GNA11: variants seen among roughly 807,000 people sequenced by gnomAD.
The protein encoded by GNA11 is guanine nucleotide-binding protein subunit alpha-11.
A neutral mutation model predicts 38.2 loss-of-function variants in GNA11; 8 were observed. The observed-to-expected ratio is 0.21, with a 90% CI of 0.12 to 0.38. The LOEUF (loss-of-function observed/expected upper bound fraction) is 0.38. GNA11 is among the 10% of genes least tolerant of loss of function. The pLI is 1.00. For missense variants in GNA11, 268 were observed against 516.3 expected (o/e 0.52, Z 4.66); for synonymous variants, 211 against 221.4 (o/e 0.95, Z 0.42).
At chr19:3,114,893 C>T (rs1913869523) in intron 3 of GNA11, 51 bp from the exon 4 acceptor site, 1 of 1,554,428 alleles carries the variant, frequency 6.4e-7, no homozygotes, top group East Asian at 2.3e-5. Context: ...TGTCCCTGTC[C>T]TGCCCCCCCA....
At chr19:3,111,736 C>T (rs146502266) in intron 2 of GNA11, among the ~76,000 whole-genome samples, 31 of 152,362 alleles carry the variant, frequency 2.0e-4, no homozygotes, top group South Asian at 1.4e-3. Context: ...CTCTGAGAAG[C>T]GTCCAGAGAG....
chr19:3,122,944 A>ACCC lies in GNA11; in HGVS notation c.*1773_*1775dup, dbSNP rs56197875. 33 of 224,304 alleles carry ACCC rather than the reference A, an allele frequency of 1.5e-4. No homozygotes were observed. The highest frequency in any genetic ancestry group is 1.1e-3 in the Admixed American group (20 of 17,454). The allele number at this position is 224,304 out of a possible 1,614,324, so 13.9% of individuals were successfully genotyped here. A position where few individuals can be genotyped will look rare whatever the true frequency, so the allele number is the denominator to read the frequency against. ...CATGGGGAGACGGGGCTGGCGGGAT[A>ACCC]CCCCCCCCCCGGCTTCCCCACACCA... On this transcript the variant is annotated 3_prime_UTR_variant, in exon 7 of 7. Transcript: ENST00000078429. The surrounding 1 kb of genome is among the most constrained non-coding windows in gnomAD (Gnocchi z 7.7).
At chr19:3,111,119 T>G (rs1913764928) in intron 2 of GNA11, among the ~76,000 whole-genome samples, 1 of 151,636 alleles carries the variant, frequency 6.6e-6, no homozygotes, top group African/African-American at 2.4e-5. Context: ...TTTCTTTTTT[T>G]TTTGATAAAG....
chr19:3,121,234 G>A lies in GNA11; in HGVS notation c.*55G>A, dbSNP rs963398890. ...ACACGGGGCAGGACCTTCCTTCCACGGAGCCTGCGGCTGCCGGGCGGGTGG... is the reference window on the plus strand; with the variant it reads ...ACACGGGGCAGGACCTTCCTTCCACAGAGCCTGCGGCTGCCGGGCGGGTGG... On this transcript the variant is annotated 3_prime_UTR_variant, in exon 7 of 7. Coordinates refer to ENST00000078429, the MANE Select transcript of GNA11 (RefSeq NM_002067.5). 14 of 1,421,118 alleles carry A rather than the reference G, an allele frequency of 9.9e-6. No individual in the cohort carries two copies. The highest frequency in any genetic ancestry group is 8.5e-5 in the South Asian group (7 of 82,738). 88.0% of individuals were successfully genotyped at this position (1,421,118 alleles called of 1,614,324 possible). A position where few individuals can be genotyped will look rare whatever the true frequency, so the allele number is the denominator to read the frequency against.
chr19:3,097,587 A>T (rs191964023), intron 1 of GNA11, among the ~76,000 whole-genome samples: 16 of 152,262 alleles, frequency 1.1e-4, no homozygotes, highest in Non-Finnish European at 1.8e-4. Flanking sequence ...GCTCGCTCTC[A>T]TCCACTGCCT....
intron 2 of GNA11, among the ~76,000 whole-genome samples, chr19:3,112,326 G>A (rs772505438): frequency 2.6e-5 from 4 of 152,186 alleles, no homozygotes; most frequent in Non-Finnish European, 4.4e-5. Context: ...GGCAGGGAGC[G>A]TTGCTCAGAG....
At chr19:3,101,097 G>A (rs1159608965) in intron 1 of GNA11, among the ~76,000 whole-genome samples, 4 of 152,132 alleles carry the variant, frequency 2.6e-5, no homozygotes, top group African/African-American at 7.2e-5. Context: ...CCCAGGCTCC[G>A]TTTTCTCTTC....
At chr19:3,111,921 C>T (rs889327829) in intron 2 of GNA11, among the ~76,000 whole-genome samples, 3 of 152,246 alleles carry the variant, frequency 2.0e-5, no homozygotes, top group Middle Eastern at 3.2e-3. Context: ...CCCTGTCTCC[C>T]GCTGTGATCT....
chr19:3,119,387 G>T lies in GNA11; in HGVS notation c.889+28G>T, dbSNP rs1180787897. On this transcript the variant is annotated intron_variant, in intron 6 of 6. Transcript: ENST00000078429. The surrounding 1 kb of genome is among the most constrained non-coding windows in gnomAD (Gnocchi z 4.6). ...GCGCCGGGCTGCGGCATGGGGAGGG[G>T]CTCGCGGGCAGGGCCTTACTGGGGG... 6.2e-7 allele frequency: 1 copy of T among 1,608,916 alleles called. No individual in the cohort carries two copies. Among genetic ancestry groups the T allele is most frequent in the Non-Finnish European group, 8.5e-7 (1 of 1,176,810 alleles).
intron 2 of GNA11, among the ~76,000 whole-genome samples, chr19:3,112,639 C>T (rs535611741): frequency 6.6e-6 from 1 of 152,366 alleles, no homozygotes; most frequent in South Asian, 2.1e-4. Flanking sequence ...AAGCTGGGGC[C>T]TGATGCCACC....
intron 1 of GNA11, among the ~76,000 whole-genome samples, chr19:3,097,777 C>T (rs368459884): frequency 2.7e-4 from 40 of 150,922 alleles, no homozygotes; most frequent in Admixed American, 5.3e-4. Context: ...CTCTCCGTTA[C>T]GTACAACAGG....
At position 3,123,577 on chromosome 19, in the gene GNA11, A is replaced by G. The variant is rs1371968894; in HGVS notation, c.*2398A>G. The G allele has an allele frequency of 4.3e-6, 1 of 232,934 alleles. No homozygotes were observed. The highest frequency in any genetic ancestry group is 2.2e-5 in the African/African-American group (1 of 45,286). The allele number at this position is 232,934 out of a possible 1,614,324, so 14.4% of individuals were successfully genotyped here. On this transcript the variant is annotated 3_prime_UTR_variant, in exon 7 of 7. Transcript: ENST00000078429. ...TCGTGAGTGCCGACCACCTTCTCCG[A>G]CCATGTTACGCCCGGGCGGCAGCAG... is the stretch of plus-strand genomic sequence containing the variant.
At chr19:3,105,701 T>C (rs1424670230) in intron 1 of GNA11, among the ~76,000 whole-genome samples, 3 of 152,180 alleles carry the variant, frequency 2.0e-5, no homozygotes, top group Non-Finnish European at 4.4e-5. Flanking sequence ...TGCGTTGCCC[T>C]TGGGGTGGCG....
In GNA11 at chr19:3,121,218, A is replaced by G. The variant is rs2145329543; in HGVS notation, c.*39A>G. 1 of 1,522,516 alleles carries G rather than the reference A, an allele frequency of 6.6e-7. No individual in the cohort carries two copies. The highest frequency in any genetic ancestry group is 9.0e-7 in the Non-Finnish European group (1 of 1,107,636). 94.3% of individuals were successfully genotyped at this position (1,522,516 alleles called of 1,614,324 possible). On this transcript the variant is annotated 3_prime_UTR_variant, in exon 7 of 7. Coordinates refer to ENST00000078429, the MANE Select transcript of GNA11 (RefSeq NM_002067.5). Reference sequence around the variant, plus strand: ...GGGAGACGGGATGGAGACACGGGGCAGGACCTTCCTTCCACGGAGCCTGCG... The same window carrying G: ...GGGAGACGGGATGGAGACACGGGGCGGGACCTTCCTTCCACGGAGCCTGCG...
chr19:3,110,033 C>T lies in GNA11; in HGVS notation c.137-116C>T, dbSNP rs545391990. The T allele has an allele frequency of 4.0e-6, 3 of 751,068 alleles. No homozygotes were observed. The highest frequency in any genetic ancestry group is 2.5e-5 in the Admixed American group (1 of 40,676). The allele number at this position is 751,068 out of a possible 1,614,324, so 46.5% of individuals were successfully genotyped here. A position where few individuals can be genotyped will look rare whatever the true frequency, so the allele number is the denominator to read the frequency against. On this transcript the variant is annotated intron_variant, in intron 1 of 6. Coordinates refer to ENST00000078429, the MANE Select transcript of GNA11 (RefSeq NM_002067.5). This position sits in a 1 kb window ranked among gnomAD's most constrained non-coding sequence, Gnocchi z 5.4. ...TCTGGTGGAGAGACGGTCAGCCTCACGTGCCTTGGTTTCCTGTGCTGGGTG... is the reference window on the plus strand; with the variant it reads ...TCTGGTGGAGAGACGGTCAGCCTCATGTGCCTTGGTTTCCTGTGCTGGGTG...
chr19:3,106,965 G>A (rs912078040), intron 1 of GNA11, among the ~76,000 whole-genome samples: 5 of 152,216 alleles, frequency 3.3e-5, no homozygotes, highest in Non-Finnish European at 7.3e-5. Context: ...GGCCGGGCGC[G>A]GTGGCTCACG....
chr19:3,106,685 G>A (rs1032138297), intron 1 of GNA11, among the ~76,000 whole-genome samples: 6 of 152,272 alleles, frequency 3.9e-5, no homozygotes, highest in African/African-American at 1.2e-4. Context: ...GGCTGCATGT[G>A]TGTGTACATG....
chr19:3,104,751 G>A (rs1220496336), intron 1 of GNA11, among the ~76,000 whole-genome samples: 1 of 152,170 alleles, frequency 6.6e-6, no homozygotes, highest in East Asian at 1.9e-4. Flanking sequence ...GGAAGCTGGC[G>A]AGGCAGGCTG....
intron 1 of GNA11, among the ~76,000 whole-genome samples, chr19:3,095,982 C>G (rs938974470): frequency 6.6e-6 from 1 of 152,156 alleles, no homozygotes; most frequent in Non-Finnish European, 1.5e-5. Flanking sequence ...TGCCCTGCCC[C>G]GCCCCTGCCC....
Sources: allele counts gnomAD v4.1 joint callset (sites outside exome capture counted in the v4.1 genomes callset), GRCh38; gene constraint gnomAD v4.1.1; non-coding constraint Gnocchi (gnomAD v3.1); transcripts MANE v1.5; gene names NCBI Gene and HGNC (gene_info 2026-07-23, HGNC 2026-07-21).